The following CHRM3 variants were observed in gnomAD, a reference collection of about 807,000 sequenced individuals.
CHRM3 encodes the protein muscarinic acetylcholine receptor M3.
CHRM3 carries 11 observed loss-of-function variants against 41.8 expected under a neutral mutation model. That is an observed-to-expected ratio of 0.26 (90% CI 0.17 to 0.44). The LOEUF (loss-of-function observed/expected upper bound fraction) is 0.44, where lower values mean the gene tolerates loss of function less well. Among genes scored for constraint, CHRM3 ranks in the 20% least tolerant of loss-of-function variants. The pLI is 1.00. For synonymous variants in CHRM3, 297 were observed against 301.4 expected (o/e 0.99, Z 0.15); for missense variants, 571 against 745.4 (o/e 0.77, Z 2.72).
At chr1:239,491,151 T>C (rs1254979530) in intron 1 of CHRM3, among the ~76,000 whole-genome samples, 1 of 152,206 alleles carries the variant, frequency 6.6e-6, no homozygotes, top group African/African-American at 2.4e-5. Context: ...CCGTCCACAT[T>C]AGCATTTCCA....
intron 4 of CHRM3, among the ~76,000 whole-genome samples, chr1:239,675,089 T>G (rs1657854697): frequency 1.3e-5 from 2 of 152,166 alleles, no homozygotes; most frequent in African/African-American, 4.8e-5. Context: ...GGGTCAATTA[T>G]CAATGTTCTC....
intron 6 of CHRM3, among the ~76,000 whole-genome samples, chr1:239,864,336 G>A (rs1019169155): frequency 2.5e-4 from 38 of 152,086 alleles, no homozygotes; most frequent in African/African-American, 8.2e-4. Flanking sequence ...GAGAAACCCC[G>A]TCTCTATTAA....
At chr1:239,422,807 AAACAAAAAC>A (rs1558212083) in intron 1 of CHRM3, among the ~76,000 whole-genome samples, 11 of 145,490 alleles carry the variant, frequency 7.6e-5, no homozygotes, top group African/African-American at 3.1e-4. Context: ...AAAAAAACAA[AAACAAAAAC>A]AAAAAACAGT....
chr1:239,732,163 C>T (rs1332208756), intron 5 of CHRM3, among the ~76,000 whole-genome samples: 1 of 151,960 alleles, frequency 6.6e-6, no homozygotes, highest in Non-Finnish European at 1.5e-5. Context: ...CTCTAAAACA[C>T]ATAACATTTA....
chr1:239,877,489 C>T (rs1281547935), intron 6 of CHRM3, among the ~76,000 whole-genome samples: 1 of 152,058 alleles, frequency 6.6e-6, no homozygotes, highest in South Asian at 2.1e-4. Context: ...TAAACCCTAA[C>T]TGGTGAATAA....
At chr1:239,710,293 A>G (rs943667830) in intron 5 of CHRM3, among the ~76,000 whole-genome samples, 4 of 152,192 alleles carry the variant, frequency 2.6e-5, no homozygotes, top group Non-Finnish European at 5.9e-5. Context: ...GTTTGTATGT[A>G]TATAACTACA....
intron 3 of CHRM3, among the ~76,000 whole-genome samples, chr1:239,573,884 C>T (rs904533906): frequency 1.3e-5 from 2 of 151,916 alleles, no homozygotes; most frequent in African/African-American, 4.8e-5. Context: ...CCTTGTCTTC[C>T]ACACTAGGTC....
intron 3 of CHRM3, among the ~76,000 whole-genome samples, chr1:239,618,698 G>A (rs550609667): frequency 5.1e-4 from 77 of 150,864 alleles, no homozygotes; most frequent in African/African-American, 1.8e-3. Context: ...CAAAAAATTA[G>A]CTGGGCGTGG....
At position 239,869,625 on chromosome 1, in the gene CHRM3, C is replaced by A. The variant is rs543728342; in HGVS notation, c.-19-37808C>A. On this transcript the variant is annotated intron_variant, in intron 6 of 6. Coordinates refer to ENST00000676153, the MANE Select transcript of CHRM3 (RefSeq NM_001375978.1). ...AATGAGCACATCCCCAGCCCTCAGC[C>A]ATGGATCCCCAAGACTTCCTTTCTT... is the stretch of plus-strand genomic sequence containing the variant. Among the ~76,000 whole-genome samples the A allele has an allele frequency of 1.3e-4, 20 of 152,234 alleles. No individual in the cohort carries two copies. In the East Asian group the frequency reaches 2.1e-3, roughly 16 times the overall value.
At chr1:239,706,711 T>C (rs550744577) in intron 5 of CHRM3, among the ~76,000 whole-genome samples, 1 of 149,944 alleles carries the variant, frequency 6.7e-6, no homozygotes, top group South Asian at 2.1e-4. Context: ...CACGTGTGCA[T>C]GTACACATAC....
intron 5 of CHRM3, among the ~76,000 whole-genome samples, chr1:239,764,493 G>T (rs1383168145): frequency 6.6e-6 from 1 of 152,172 alleles, no homozygotes; most frequent in Non-Finnish European, 1.5e-5. Context: ...CTCTGAGTGT[G>T]TGTATTGGGC....
At chr1:239,733,748 C>T (rs1664171622) in intron 5 of CHRM3, among the ~76,000 whole-genome samples, 1 of 151,936 alleles carries the variant, frequency 6.6e-6, no homozygotes, top group Non-Finnish European at 1.5e-5. Flanking sequence ...TGTATGGCTT[C>T]ACTACATTTT....
intron 1 of CHRM3, among the ~76,000 whole-genome samples, chr1:239,485,657 A>G (rs564919622): frequency 1.3e-5 from 2 of 152,260 alleles, no homozygotes; most frequent in Admixed American, 6.5e-5. Context: ...TCCCCAAAAC[A>G]TGTTATGTCA....
intron 1 of CHRM3, among the ~76,000 whole-genome samples, chr1:239,401,584 G>A (rs528699306): frequency 3.1e-4 from 47 of 151,800 alleles, no homozygotes; most frequent in Middle Eastern, 3.4e-3. Context: ...TCCGCCTTCC[G>A]GATTTAAGCG....
At chr1:239,570,004 T>A (rs748766786) in intron 3 of CHRM3, among the ~76,000 whole-genome samples, 44 of 152,260 alleles carry the variant, frequency 2.9e-4, no homozygotes, top group Middle Eastern at 3.4e-3. Flanking sequence ...TATGTTTTTT[T>A]AAAAAACAGC....
chr1:239,594,356 A>T (rs1039167243), intron 3 of CHRM3, among the ~76,000 whole-genome samples: 2 of 152,216 alleles, frequency 1.3e-5, no homozygotes, highest in African/African-American at 2.4e-5. Flanking sequence ...CACAAGATGC[A>T]CTGGCAAAGA....
At chr1:239,710,708 T>C (rs1661686884) in intron 5 of CHRM3, among the ~76,000 whole-genome samples, 1 of 152,198 alleles carries the variant, frequency 6.6e-6, no homozygotes, top group African/African-American at 2.4e-5. Flanking sequence ...TAATATTTTT[T>C]TCTTATATCT....
intron 4 of CHRM3, among the ~76,000 whole-genome samples, chr1:239,663,435 G>T (rs1212175887): frequency 6.6e-6 from 1 of 152,150 alleles, no homozygotes; most frequent in Non-Finnish European, 1.5e-5. Flanking sequence ...AATGTTTCCT[G>T]TGACAACCAA....
chr1:239,480,543 ATTTTTTTTTT>A (rs745979239), intron 1 of CHRM3, among the ~76,000 whole-genome samples: 6 of 110,720 alleles, frequency 5.4e-5, no homozygotes, highest in African/African-American at 2.0e-4. Flanking sequence ...CGATAGCCCA[ATTTTTTTTTT>A]TTTTTTTTTT....
Sources: allele counts gnomAD v4.1 joint callset (sites outside exome capture counted in the v4.1 genomes callset), GRCh38; gene constraint gnomAD v4.1.1; transcripts MANE v1.5; gene names NCBI Gene and HGNC (gene_info 2026-07-23, HGNC 2026-07-21).